The following WDR49 variants were observed in gnomAD, a reference collection of about 807,000 sequenced individuals.
WDR49 encodes the protein WD repeat domain 49.
In WDR49, 107 loss-of-function variants were observed where a neutral mutation model predicts 119.5. The observed-to-expected ratio is 0.90, with a 90% CI of 0.77 to 1.05. The LOEUF (loss-of-function observed/expected upper bound fraction) is 1.05, where lower values mean the gene tolerates loss of function less well. Ranked by LOEUF, WDR49 falls within the 50% of genes least tolerant of loss-of-function variation. The probability of loss-of-function intolerance (pLI) is 0.00; values close to 1 mark genes in which losing one functional copy is unlikely to be tolerated. For synonymous variants in WDR49, 425 were observed against 418.8 expected (o/e 1.01, Z -0.18); for missense variants, 1,240 against 1,220.5 (o/e 1.02, Z -0.24).
intron 16 of WDR49, among the ~76,000 whole-genome samples, chr3:167,516,517 G>T (rs1752210458): frequency 6.6e-6 from 1 of 152,080 alleles, no homozygotes; most frequent in Non-Finnish European, 1.5e-5. Context: ...CATTTGGGTT[G>T]GTTCCAAGTC....
At chr3:167,590,069 G>A (rs902176865) in intron 7 of WDR49, among the ~76,000 whole-genome samples, 2 of 151,960 alleles carry the variant, frequency 1.3e-5, no homozygotes, top group African/African-American at 4.8e-5. Context: ...ATTGAGTTAT[G>A]TTTCTTCTAT....
intron 2 of WDR49, among the ~76,000 whole-genome samples, chr3:167,652,702 T>C (rs2108350281): frequency 6.6e-6 from 1 of 152,322 alleles, no homozygotes; most frequent in South Asian, 2.1e-4. Flanking sequence ...TTTGTTTTTA[T>C]TGGCATTGTT....
chr3:167,515,280 G>A (rs1324996006), intron 16 of WDR49, among the ~76,000 whole-genome samples: 1 of 151,984 alleles, frequency 6.6e-6, no homozygotes, highest in Non-Finnish European at 1.5e-5. Flanking sequence ...ATCAAAAAGC[G>A]TATCCACCAC....
At chr3:167,602,820 T>C (rs958281805) in intron 6 of WDR49, among the ~76,000 whole-genome samples, 5 of 152,174 alleles carry the variant, frequency 3.3e-5, no homozygotes, top group African/African-American at 1.2e-4. Context: ...GACTATAATA[T>C]GGTATTTTTA....
intron 18 of WDR49, among the ~76,000 whole-genome samples, chr3:167,494,038 A>G (rs1309470544): frequency 2.0e-5 from 3 of 152,162 alleles, no homozygotes; most frequent in African/African-American, 7.2e-5. Flanking sequence ...CAAATTAGTT[A>G]TTTCCTTTCT....
At chr3:167,579,056 AC>A (rs1714402821) in intron 7 of WDR49, among the ~76,000 whole-genome samples, 1 of 151,842 alleles carries the variant, frequency 6.6e-6, no homozygotes, top group Non-Finnish European at 1.5e-5. Flanking sequence ...CCCTACTCGC[AC>A]TTCTCTCTCC....
At chr3:167,593,275 G>T (rs544486420) in intron 7 of WDR49, among the ~76,000 whole-genome samples, 1 of 151,990 alleles carries the variant, frequency 6.6e-6, no homozygotes, top group South Asian at 2.1e-4. Context: ...GATCTTGAAG[G>T]TGTGCTTCAT....
intron 7 of WDR49, among the ~76,000 whole-genome samples, chr3:167,578,460 G>A (rs1714365621): frequency 6.6e-6 from 1 of 152,076 alleles, no homozygotes; most frequent in South Asian, 2.1e-4. Flanking sequence ...GTATATATGT[G>A]TGTGGTGTAT....
chr3:167,582,625 T>G (rs1041206673), intron 7 of WDR49, among the ~76,000 whole-genome samples: 1 of 152,140 alleles, frequency 6.6e-6, no homozygotes, highest in Non-Finnish European at 1.5e-5. Flanking sequence ...GTCTAACAAC[T>G]CTGAATTGTT....
At chr3:167,645,085 G>GAGT (rs1256733988) in intron 2 of WDR49, among the ~76,000 whole-genome samples, 1 of 151,954 alleles carries the variant, frequency 6.6e-6, no homozygotes, top group East Asian at 1.9e-4. Flanking sequence ...AAAATATTAA[G>GAGT]AGTAGTTACC....
At chr3:167,589,983 T>C (rs1715022735) in intron 7 of WDR49, among the ~76,000 whole-genome samples, 1 of 152,062 alleles carries the variant, frequency 6.6e-6, no homozygotes, top group Non-Finnish European at 1.5e-5. Flanking sequence ...CTTCAGATCT[T>C]AGATGGGAGG....
intron 2 of WDR49, among the ~76,000 whole-genome samples, 172 bp downstream of exon 2, chr3:167,653,089 G>A (rs1030547280): frequency 3.3e-5 from 5 of 152,168 alleles, no homozygotes; most frequent in Non-Finnish European, 5.9e-5. Context: ...GAACTGAGGG[G>A]CAAAGCTACC....
chr3:167,607,745 C>T (rs1359580164), intron 5 of WDR49, among the ~76,000 whole-genome samples: 1 of 152,110 alleles, frequency 6.6e-6, no homozygotes, highest in Non-Finnish European at 1.5e-5. Flanking sequence ...GTCCCCATAC[C>T]CTCAATCCCA....
chr3:167,622,703 C>T (rs1716929361), intron 3 of WDR49, among the ~76,000 whole-genome samples: 1 of 152,020 alleles, frequency 6.6e-6, no homozygotes, highest in Non-Finnish European at 1.5e-5. Context: ...TTGACAAACA[C>T]TATAAGCCAA....
In WDR49 at chr3:167,617,560, CT is replaced by C. The variant is rs377710958; in HGVS notation, c.958+2868del. 3.2e-3 allele frequency among the ~76,000 whole-genome samples: 479 copies of C among 151,910 alleles called. 3 individuals carry two copies. The highest frequency in any genetic ancestry group is 0.011 in the African/African-American group (452 of 41,438). ...AACAAAGAAACAAACCTTTAAAAAC[CT>C]TTTTTTTAAAGAAAGACTTGTCTTT... On this transcript the variant is annotated intron_variant, in intron 5 of 18. Transcript: ENST00000682715.
At chr3:167,572,613 T>G (rs946784485) in intron 8 of WDR49, among the ~76,000 whole-genome samples, 1 of 152,238 alleles carries the variant, frequency 6.6e-6, no homozygotes, top group African/African-American at 2.4e-5. Context: ...AGCATTCATT[T>G]TGTGCTCAGA....
At chr3:167,513,384 A>G (rs1333557401) in intron 16 of WDR49, among the ~76,000 whole-genome samples, 9 of 152,306 alleles carry the variant, frequency 5.9e-5, no homozygotes, top group Admixed American at 5.9e-4. Flanking sequence ...AAGGAGAAAC[A>G]AGATTGTTTT....
chr3:167,603,255 AT>A (rs1331857253), intron 6 of WDR49, among the ~76,000 whole-genome samples: 1 of 152,078 alleles, frequency 6.6e-6, no homozygotes, highest in Non-Finnish European at 1.5e-5. Flanking sequence ...GAACTTAATC[AT>A]CCTTATTTTT....
intron 10 of WDR49, among the ~76,000 whole-genome samples, chr3:167,545,955 TA>T (rs1193028058): frequency 6.6e-6 from 1 of 151,740 alleles, no homozygotes. Context: ...GTAAGACAAA[TA>T]AGGTAATTTG....
Sources: gnomAD v4.1 joint callset for allele counts (sites outside exome capture counted in the v4.1 genomes callset) on GRCh38, gnomAD v4.1.1 for gene constraint, MANE v1.5 for transcripts, NCBI Gene and HGNC (gene_info 2026-07-23, HGNC 2026-07-21) for gene names.